The following ABLIM1 variants were observed in gnomAD, a reference collection of about 807,000 sequenced individuals.
ABLIM1 encodes actin binding LIM protein 1.
In ABLIM1, 40 loss-of-function variants were observed where a neutral mutation model predicts 107.0. The observed-to-expected ratio is 0.37, with a 90% CI of 0.29 to 0.49. The LOEUF is 0.49. Among genes scored for constraint, ABLIM1 ranks in the 20% least tolerant of loss-of-function variants. The pLI, the probability that ABLIM1 is intolerant of heterozygous loss-of-function variation, is 0.97. For missense variants in ABLIM1, 857 were observed against 1,008.5 expected, an observed-to-expected ratio of 0.85 and a Z score of 2.04; for synonymous variants, 357 against 357.3, an observed-to-expected ratio of 1.00 and a Z score of 0.01.
intron 10 of ABLIM1, among the ~76,000 whole-genome samples, chr10:114,472,440 G>A (rs981558842): frequency 6.6e-6 from 1 of 151,974 alleles, no homozygotes; most frequent in Admixed American, 6.6e-5. Context: ...TCAAACAATC[G>A]GCATGTGGTG....
At chr10:114,606,381 G>A (rs61867889) in intron 1 of ABLIM1, among the ~76,000 whole-genome samples, 4,745 of 152,024 alleles carry the variant, frequency 0.031, 83 homozygotes, top group Middle Eastern at 0.051. Flanking sequence ...GACTATAGGC[G>A]CACACCTCCA....
intron 4 of ABLIM1, among the ~76,000 whole-genome samples, 175 bp from the exon 5 acceptor site, chr10:114,547,951 G>A (rs924724311): frequency 2.0e-5 from 3 of 152,194 alleles, no homozygotes; most frequent in Non-Finnish European, 4.4e-5. Context: ...AGGCTCACAG[G>A]CTGCGTCCTC....
chr10:114,509,481 C>A (rs2061567340), intron 6 of ABLIM1, among the ~76,000 whole-genome samples: 1 of 152,110 alleles, frequency 6.6e-6, no homozygotes, highest in African/African-American at 2.4e-5. Flanking sequence ...TGCCTCGGGG[C>A]CTCACTTGGA....
chr10:114,711,914 G>C (rs544860845), intron 1 of ABLIM1, among the ~76,000 whole-genome samples: 58 of 152,256 alleles, frequency 3.8e-4, no homozygotes, highest in Admixed American at 2.6e-3. Context: ...GAAGTCAAGG[G>C]AGCCGTTGCT....
At chr10:114,469,992 T>C (rs1220511163) in intron 10 of ABLIM1, among the ~76,000 whole-genome samples, 1 of 152,126 alleles carries the variant, frequency 6.6e-6, no homozygotes, top group Non-Finnish European at 1.5e-5. Context: ...CTACAGCCTG[T>C]CTCTAGGGGG....
intron 6 of ABLIM1, among the ~76,000 whole-genome samples, chr10:114,522,861 T>C (rs546038792): frequency 6.6e-6 from 1 of 152,264 alleles, no homozygotes; most frequent in South Asian, 2.1e-4. Context: ...CTTAGAAGCA[T>C]GTAGCTAGGC....
intron 4 of ABLIM1, among the ~76,000 whole-genome samples, chr10:114,569,905 A>G (rs145344391): frequency 6.5e-4 from 99 of 152,326 alleles, no homozygotes; most frequent in Admixed American, 1.7e-3. Context: ...AACATGTGCT[A>G]ATATGTGTAT....
chr10:114,441,010 G>C lies in ABLIM1; in HGVS notation c.2059+7C>G. The C allele has an allele frequency of 6.3e-7, 1 of 1,584,482 alleles. No individual in the cohort carries two copies. Among genetic ancestry groups the C allele is most frequent in the Non-Finnish European group, 8.6e-7 (1 of 1,163,914 alleles). ...GGCCATGCTCAGCCTGGCCATGGGA[G>C]CCTCACCTCGCACTCCCCCGCTGAC... is the stretch of plus-strand genomic sequence containing the variant. On this transcript the variant is annotated splice_region_variant and intron_variant, in intron 19 of 22. Transcript: ENST00000533213.
At chr10:114,589,210 TG>T (rs1424082156) in intron 2 of ABLIM1, among the ~76,000 whole-genome samples, 1 of 148,226 alleles carries the variant, frequency 6.7e-6, no homozygotes, top group African/African-American at 2.5e-5. Context: ...TGTGTGTGTG[TG>T]TGTGTGTTTT....
chr10:114,479,723 G>A (rs895696372), intron 8 of ABLIM1, among the ~76,000 whole-genome samples: 6 of 152,030 alleles, frequency 3.9e-5, no homozygotes, highest in African/African-American at 1.5e-4. Context: ...GGAGGTTAGA[G>A]GTCTCTCCCT....
At chr10:114,443,573 A>G (rs1351051942) in intron 17 of ABLIM1, among the ~76,000 whole-genome samples, 1 of 151,802 alleles carries the variant, frequency 6.6e-6, no homozygotes, top group East Asian at 1.9e-4. Context: ...TTGGCCTCCC[A>G]AAGTGCTGGG....
At chr10:114,765,171 C>T (rs1016091523) in intron 1 of ABLIM1, among the ~76,000 whole-genome samples, 4 of 152,006 alleles carry the variant, frequency 2.6e-5, no homozygotes, top group African/African-American at 4.8e-5. Flanking sequence ...CTCAGTCTCT[C>T]GAGTAGCTGG....
intron 6 of ABLIM1, among the ~76,000 whole-genome samples, chr10:114,522,179 G>A (rs2475238): frequency 0.017 from 2,527 of 152,284 alleles, 60 homozygotes; most frequent in African/African-American, 0.058. Flanking sequence ...CATAAGCCAG[G>A]AGAAGATATT....
chr10:114,527,982 T>G (rs2065030494), intron 6 of ABLIM1, among the ~76,000 whole-genome samples: 2 of 151,954 alleles, frequency 1.3e-5, no homozygotes, highest in Admixed American at 1.3e-4. Context: ...GGACTACAGG[T>G]ATGCACCACC....
intron 12 of ABLIM1, chr10:114,463,249 C>A: frequency 8.5e-7 from 1 of 1,173,216 alleles, no homozygotes; most frequent in Non-Finnish European, 1.1e-6. Context: ...AAAGTGCCAT[C>A]GTTCCAAGGG....
Position 114,623,210 on chromosome 10 carries a change from A to G in ABLIM1, c.245-21249T>C, listed in dbSNP as rs553036256. Among the ~76,000 whole-genome samples the G allele has an allele frequency of 1.4e-4, 21 of 152,346 alleles. 2 individuals are homozygous for G. In the South Asian group the frequency reaches 3.7e-3, roughly 27 times the overall value. On this transcript the variant is annotated intron_variant, in intron 1 of 22. Transcript: ENST00000533213. ...TAAACATGCTCATCTAAGTCTTGGA[A>G]ACATAGGAGTGATGCCTGCAGAATA...
chr10:114,775,206 C>T, the ABLIM1 span, among the ~76,000 whole-genome samples: 39 of 152,032 alleles, frequency 2.6e-4, no homozygotes, highest in Middle Eastern at 3.2e-3. Flanking sequence ...ATGGGGAAAC[C>T]GCCCCCATGA....
chr10:114,606,470 G>C (rs1370468612), intron 1 of ABLIM1, among the ~76,000 whole-genome samples: 1 of 152,068 alleles, frequency 6.6e-6, no homozygotes, highest in Non-Finnish European at 1.5e-5. Context: ...TCTTGACCTT[G>C]TGATCCGCCC....
rs539849600 is a variant in ABLIM1 at position 114,467,777 on chromosome 10, G to A, written c.1311+404C>T. On this transcript the variant is annotated intron_variant, in intron 11 of 22. Transcript: ENST00000533213. ...GATGATTGATTTCAGACTAAACAGA[G>A]TAACCTCCCATCAAGATGGCTCTGC... Among the ~76,000 whole-genome samples the A allele has an allele frequency of 3.9e-5, 6 of 152,298 alleles. No individual in the cohort carries two copies. In the South Asian group the frequency reaches 1.2e-3, roughly 32 times the overall value.
Sources: allele counts gnomAD v4.1 joint callset (sites outside exome capture counted in the v4.1 genomes callset), GRCh38; gene constraint gnomAD v4.1.1; transcripts MANE v1.5; gene names NCBI Gene and HGNC (gene_info 2026-07-23, HGNC 2026-07-21).